Variants in DHTKD1 observed in about 807,000 individuals in gnomAD.
DHTKD1 encodes dehydrogenase E1 and transketolase domain containing 1, also known as 2-oxoadipate dehydrogenase complex component E1.
In DHTKD1, 78 loss-of-function variants were observed where a neutral mutation model predicts 101.8. The ratio of observed to expected loss-of-function variants is 0.77; its 90% CI spans 0.64 to 0.93. The LOEUF (loss-of-function observed/expected upper bound fraction) is 0.93, where lower values mean the gene tolerates loss of function less well. Among genes scored for constraint, DHTKD1 ranks in the 40% least tolerant of loss-of-function variants. The probability of loss-of-function intolerance (pLI) is 0.00; values close to 1 mark genes in which losing one functional copy is unlikely to be tolerated. For missense variants in DHTKD1, 1,223 were observed against 1,161.7 expected, an observed-to-expected ratio of 1.05 and a Z score of -0.77; for synonymous variants, 462 against 450.3, an observed-to-expected ratio of 1.03 and a Z score of -0.33.
At chr10:12,082,623 T>TG (rs1832839208) in intron 2 of DHTKD1, among the ~76,000 whole-genome samples, 1 of 151,400 alleles carries the variant, frequency 6.6e-6, no homozygotes, top group African/African-American at 2.4e-5. Context: ...TTTCTTTTTT[T>TG]TTTTTGAGAC....
chr10:12,106,043 C>T (rs1289399495), intron 10 of DHTKD1, among the ~76,000 whole-genome samples: 1 of 152,056 alleles, frequency 6.6e-6, no homozygotes, highest in Admixed American at 6.6e-5. Context: ...TGCAGTGAGC[C>T]GAGATGGAGC....
chr10:12,091,785 C>T (rs1832994420), intron 6 of DHTKD1, 101 bp downstream of exon 6: 16 of 876,506 alleles, frequency 1.8e-5, no homozygotes, highest in African/African-American at 3.6e-5. Flanking sequence ...GGTTATCCCT[C>T]CTTTCATTTA....
chr10:12,119,390 C>T lies in DHTKD1; in HGVS notation c.2572+472C>T, dbSNP rs1321691152. ...CAGCACTTTGGGAGGCCGAGGTGGG[C>T]GGATCACGAGGTCAGGAGATCAAGA... On this transcript the variant is annotated intron_variant, in intron 15 of 16. Coordinates refer to ENST00000263035, the MANE Select transcript of DHTKD1 (RefSeq NM_018706.7). Among the ~76,000 whole-genome samples, 511 of 148,364 alleles carry T rather than the reference C, an allele frequency of 3.4e-3. 1 individual carries two copies. The highest frequency in any genetic ancestry group is 8.4e-3 in the Admixed American group (124 of 14,844).
chr10:12,106,995 T>TG (rs1833259653), intron 11 of DHTKD1, among the ~76,000 whole-genome samples: 3 of 151,220 alleles, frequency 2.0e-5, no homozygotes, highest in African/African-American at 7.3e-5. Flanking sequence ...TTCTTTTTTT[T>TG]TTTTTTTGAG....
chr10:12,070,839 C>T (rs1466311792), intron 1 of DHTKD1, among the ~76,000 whole-genome samples: 3 of 152,164 alleles, frequency 2.0e-5, no homozygotes, highest in Non-Finnish European at 4.4e-5. Flanking sequence ...TGTCTACTTG[C>T]TCATTAGGGA....
chr10:12,072,464 T>TAAAG (rs1350361901), intron 1 of DHTKD1, among the ~76,000 whole-genome samples: 1 of 5,474 alleles, frequency 1.8e-4, no homozygotes, highest in Non-Finnish European at 3.3e-4. Context: ...TCTGTCTCAA[T>TAAAG]AAATAAATAA....
chr10:12,076,995 AG>A (rs1554790545), intron 1 of DHTKD1, among the ~76,000 whole-genome samples: 1 of 128,102 alleles, frequency 7.8e-6, no homozygotes, highest in East Asian at 2.2e-4. Flanking sequence ...AAAAAAAAAA[AG>A]GAAGAAAAAA....
intron 14 of DHTKD1, among the ~76,000 whole-genome samples, chr10:12,118,025 G>A (rs1833447808): frequency 1.3e-5 from 2 of 151,862 alleles, no homozygotes; most frequent in Non-Finnish European, 1.5e-5. Flanking sequence ...AAGTAGCTGG[G>A]ATTACAGGTG....
In DHTKD1 at chr10:12,118,811, C is replaced by T. The variant is rs768650459; in HGVS notation, c.2465C>T (p.Ser822Phe). 2.5e-6 allele frequency: 4 copies of T among 1,608,158 alleles called. No homozygotes were observed. The highest frequency in any genetic ancestry group is 4.5e-5 in the East Asian group (2 of 44,358). Residue 822 changes from serine (S) to phenylalanine (F), a missense_variant, in exon 15 of 17, where the codon TCT becomes TTT. Coordinates refer to ENST00000263035, the MANE Select transcript of DHTKD1 (RefSeq NM_018706.7). ...HFYSLVKQRE[S>F]LGAKKHDFAI... ...TACTCCCTGGTGAAACAAAGAGAAT[C>T]TCTGGGGGCCAAGAAGCATGACTTT...
intron 11 of DHTKD1, among the ~76,000 whole-genome samples, chr10:12,106,636 G>A (rs1424085601): frequency 6.6e-6 from 1 of 152,152 alleles, no homozygotes; most frequent in Non-Finnish European, 1.5e-5. Context: ...CAGCACCTGT[G>A]CTCAGGGGTC....
chr10:12,075,900 GT>G (rs1306166748), intron 1 of DHTKD1, among the ~76,000 whole-genome samples: 1 of 142,176 alleles, frequency 7.0e-6, no homozygotes, highest in African/African-American at 2.6e-5. Context: ...TACTTCTTTT[GT>G]TTTTTCTTTT....
rs565547334 is a variant in DHTKD1, at chr10:12,069,016, C to T, written c.-18C>T. ...TCGGGCTCCCGCCTTAGCATGCTGG[C>T]CGGGACATCTGGTGAACATGGCCTC... On this transcript the variant is annotated 5_prime_UTR_variant, in exon 1 of 17. Coordinates refer to ENST00000263035, the MANE Select transcript of DHTKD1 (RefSeq NM_018706.7). 2.5e-6 allele frequency: 4 copies of T among 1,612,734 alleles called. No individual in the cohort carries two copies. Among genetic ancestry groups the T allele is most frequent in the African/African-American group, 2.7e-5 (2 of 74,928 alleles).
chr10:12,099,949 C>G (rs1833132511), intron 8 of DHTKD1, among the ~76,000 whole-genome samples: 1 of 151,808 alleles, frequency 6.6e-6, no homozygotes, highest in Non-Finnish European at 1.5e-5. Flanking sequence ...AGACACGCCA[C>G]CAGGCCTAGC....
rs533303313 is a variant in DHTKD1, at chr10:12,122,008, A to G, written c.*1120A>G. On this transcript the variant is annotated 3_prime_UTR_variant, in exon 17 of 17. Coordinates refer to ENST00000263035, the MANE Select transcript of DHTKD1 (RefSeq NM_018706.7). ...GTGGCAGTACTAATATTTTCATTTT[A>G]TGTAATCTCTGGTGCTGCTTTCCAG... The G allele has an allele frequency of 6.6e-6, 1 of 152,218 alleles. No individual in the cohort carries two copies. Among genetic ancestry groups the G allele is most frequent in the South Asian group, 2.1e-4 (1 of 4,810 alleles). The allele number at this position is 152,218 out of a possible 1,614,324, so 9.4% of individuals were successfully genotyped here. A position where few individuals can be genotyped will look rare whatever the true frequency, so the allele number is the denominator to read the frequency against.
chr10:12,076,921 G>T (rs1832740408), intron 1 of DHTKD1, among the ~76,000 whole-genome samples: 2 of 138,070 alleles, frequency 1.4e-5, no homozygotes, highest in Admixed American at 1.6e-4. Context: ...CTCCCAAAGT[G>T]CTAGGATTAC....
intron 7 of DHTKD1, among the ~76,000 whole-genome samples, chr10:12,095,820 AAAAAAAAAAAAAAG>A (rs1833061040): frequency 7.2e-6 from 1 of 139,780 alleles, no homozygotes; most frequent in African/African-American, 2.7e-5. Context: ...CTCAAAAAAA[AAAAAAAAAAAAAAG>A]AAAAGAAAAG....
intron 1 of DHTKD1, among the ~76,000 whole-genome samples, chr10:12,080,740 A>G (rs574716146): frequency 6.6e-6 from 1 of 151,778 alleles, no homozygotes; most frequent in South Asian, 2.1e-4. Flanking sequence ...AAGAAAAAGA[A>G]GAAGTTTGAA....
rs1389711474 is a variant in DHTKD1 at position 12,121,934 on chromosome 10, T to C, written c.*1046T>C. 6.6e-6 allele frequency: 1 copy of C among 152,200 alleles called. No homozygotes were observed. The highest frequency in any genetic ancestry group is 1.9e-4 in the East Asian group (1 of 5,198). 9.4% of individuals were successfully genotyped at this position (152,200 alleles called of 1,614,324 possible). ...ACCTCAACACTGCCTCTTGATTTGT[T>C]TGATGCATGTCACTTTCATTAATTT... On this transcript the variant is annotated 3_prime_UTR_variant, in exon 17 of 17. Transcript: ENST00000263035.
At position 12,087,295 on chromosome 10, in the gene DHTKD1, T is replaced by A. The variant is rs1832916730; in HGVS notation, c.523-240T>A. 6.6e-6 allele frequency among the ~76,000 whole-genome samples: 1 copy of A among 151,992 alleles called. No homozygotes were observed. Among genetic ancestry groups the A allele is most frequent in the Admixed American group, 6.6e-5 (1 of 15,236 alleles). The stretch of plus-strand genomic sequence containing the variant: ...AACACACATTCTAAGGGGGTTTCCT[T>A]GGGGTGAGTTATTCTGCCGCTCAGG... On this transcript the variant is annotated intron_variant, in intron 3 of 16. Coordinates refer to ENST00000263035, the MANE Select transcript of DHTKD1 (RefSeq NM_018706.7). The surrounding 1 kb of genome is among the most constrained non-coding windows in gnomAD (Gnocchi z 5.2).
Sources: allele counts gnomAD v4.1 joint callset (sites outside exome capture counted in the v4.1 genomes callset), GRCh38; gene constraint gnomAD v4.1.1; non-coding constraint Gnocchi (gnomAD v3.1); transcripts MANE v1.5; gene names NCBI Gene and HGNC (gene_info 2026-07-23, HGNC 2026-07-21).